The following KCNU1 variants were observed in gnomAD, a reference collection of about 807,000 sequenced individuals.
KCNU1 encodes the protein potassium calcium-activated channel subfamily U member 1.
A neutral mutation model predicts 126.8 loss-of-function variants in KCNU1; 93 were observed. The ratio of observed to expected loss-of-function variants is 0.73; its 90% confidence interval spans 0.62 to 0.87. The LOEUF is 0.87. Ranked by LOEUF, KCNU1 falls within the 40% of genes least tolerant of loss-of-function variation. The pLI, the probability that KCNU1 is intolerant of heterozygous loss-of-function variation, is 0.00. For synonymous variants in KCNU1, 523 were observed against 494.2 expected, an observed-to-expected ratio of 1.06 and a Z score of -0.77; for missense variants, 1,330 against 1,367.1, an observed-to-expected ratio of 0.97 and a Z score of 0.43.
At chr8:36,799,628 G>A (rs955133440) in intron 2 of KCNU1, among the ~76,000 whole-genome samples, 5 of 151,474 alleles carry the variant, frequency 3.3e-5, no homozygotes, top group East Asian at 1.9e-4. Context: ...TCTGCCTCCC[G>A]GGTTCAATCA....
At chr8:36,908,974 G>A (rs1807749939) in intron 20 of KCNU1, among the ~76,000 whole-genome samples, 1 of 152,148 alleles carries the variant, frequency 6.6e-6, no homozygotes, top group Non-Finnish European at 1.5e-5. Context: ...GGCTAAAAAT[G>A]TGAAATAAAA....
At chr8:36,802,618 TGA>T (rs1421291687) in intron 2 of KCNU1, among the ~76,000 whole-genome samples, 3 of 152,112 alleles carry the variant, frequency 2.0e-5, no homozygotes, top group African/African-American at 7.2e-5. Flanking sequence ...TGAGAAGTAG[TGA>T]GAGAAGAGTG....
Position 36,805,251 on chromosome 8 carries a change from T to C in KCNU1, c.434T>C (p.Phe145Ser). The change falls in exon 4 of 27, where the codon TTC becomes TCC. Residue 145 changes from phenylalanine (F) to serine (S), a missense_variant. Around this residue, in one of 3 missense-constraint regions of KCNU1, gnomAD observed 247 missense variants for 255.4 expected, o/e 0.97. Transcript: ENST00000399881. ...AAAACCATTCCTATTGATTTGGTTT[T>C]CAATGCTTTCTTTAGTTTCTATTTT... Reference protein sequence around the residue: ...EDKTIPIDLVFNAFFSFYFGL... With the variant: ...EDKTIPIDLVSNAFFSFYFGL... 1 of 1,607,976 alleles carries C rather than the reference T, an allele frequency of 6.2e-7. No homozygotes were observed. Among genetic ancestry groups the C allele is most frequent in the Non-Finnish European group, 8.5e-7 (1 of 1,176,336 alleles).
At chr8:36,863,898 C>G (rs1374069470) in intron 18 of KCNU1, among the ~76,000 whole-genome samples, 1 of 152,030 alleles carries the variant, frequency 6.6e-6, no homozygotes, top group African/African-American at 2.4e-5. Flanking sequence ...TTTGGAAATA[C>G]ACAAAAGTTT....
At chr8:36,797,848 C>T (rs1001248756) in intron 2 of KCNU1, among the ~76,000 whole-genome samples, 1 of 152,180 alleles carries the variant, frequency 6.6e-6, no homozygotes, top group Non-Finnish European at 1.5e-5. Flanking sequence ...GGGCCACATG[C>T]CAGGTACTAA....
At chr8:36,835,614 T>C (rs1331939751) in intron 12 of KCNU1, among the ~76,000 whole-genome samples, 1 of 152,198 alleles carries the variant, frequency 6.6e-6, no homozygotes, top group Non-Finnish European at 1.5e-5. Context: ...GTGCTGGGAT[T>C]ACAGGCTGGG....
Position 36,845,623 on chromosome 8 carries a change from AAC to A in KCNU1, c.1751_1752del (p.Thr584IlefsTer7). The A allele has an allele frequency of 1.9e-6, 3 of 1,611,542 alleles. No individual in the cohort carries two copies. The highest frequency in any genetic ancestry group is 2.5e-6 in the Non-Finnish European group (3 of 1,177,732). The stretch of plus-strand genomic sequence containing the variant: ...ACCTCCACAAGTGAGGATACGTAAG[AAC>A]ACATTAGGGTTCTTTATTGCTGAAA... ...NPPPQVRIRK[N>X]TLGFFIAETP... is the part of the protein sequence containing the mutation. On this transcript the variant is annotated frameshift_variant, in exon 17 of 27. Coordinates refer to ENST00000399881, the MANE Select transcript of KCNU1 (RefSeq NM_001031836.3). LOFTEE classifies it high-confidence loss of function.
chr8:36,858,206 G>A (rs1361609339), intron 18 of KCNU1, among the ~76,000 whole-genome samples: 4 of 139,642 alleles, frequency 2.9e-5, no homozygotes, highest in South Asian at 2.2e-4. Context: ...AAAACTGTTC[G>A]TATGTAATTT....
intron 22 of KCNU1, among the ~76,000 whole-genome samples, chr8:36,912,370 C>T (rs1479725060): frequency 2.0e-5 from 3 of 152,136 alleles, no homozygotes; most frequent in African/African-American, 7.2e-5. Flanking sequence ...TTAGACAGAC[C>T]TTCACTAAGC....
In KCNU1 at chr8:36,840,266, T is replaced by C. The variant is rs142072088; in HGVS notation, c.1519-197T>C. 7.2e-3 allele frequency among the ~76,000 whole-genome samples: 1,103 copies of C among 152,336 alleles called. 56 individuals are homozygous for C. The highest frequency in any genetic ancestry group is 0.061 in the Admixed American group (927 of 15,300). On this transcript the variant is annotated intron_variant, in intron 14 of 26. Transcript: ENST00000399881. ...GATGTGTCTGCCTCATCCTGAACTC[T>C]GGTGAAAATAGTTGAGATGGAGTTA...
intron 19 of KCNU1, among the ~76,000 whole-genome samples, chr8:36,869,434 G>A (rs930500230): frequency 2.0e-5 from 3 of 152,012 alleles, no homozygotes; most frequent in Non-Finnish European, 4.4e-5. Flanking sequence ...TGGTATCTAT[G>A]AATGAGATCA....
At chr8:36,807,204 A>AG (rs1451809684) in intron 5 of KCNU1, among the ~76,000 whole-genome samples, 171 bp from the exon 6 acceptor site, 2 of 152,212 alleles carry the variant, frequency 1.3e-5, no homozygotes, top group Non-Finnish European at 2.9e-5. Context: ...CAACAGCGTC[A>AG]GGGCTAGTAT....
intron 19 of KCNU1, among the ~76,000 whole-genome samples, chr8:36,890,370 A>C (rs903247021): frequency 6.6e-6 from 1 of 152,066 alleles, no homozygotes; most frequent in Non-Finnish European, 1.5e-5. Flanking sequence ...AAGAGATGGA[A>C]AGGATGAGTT....
intron 18 of KCNU1, among the ~76,000 whole-genome samples, chr8:36,848,162 T>C (rs575080900): frequency 6.6e-6 from 1 of 152,350 alleles, no homozygotes; most frequent in Non-Finnish European, 1.5e-5. Context: ...ATATATTTTT[T>C]GCCATCAAGT....
chr8:36,884,122 A>G (rs1253605183), intron 19 of KCNU1, among the ~76,000 whole-genome samples: 1 of 152,120 alleles, frequency 6.6e-6, no homozygotes, highest in African/African-American at 2.4e-5. Context: ...AAATAACTTA[A>G]TCATTTTCAG....
At chr8:36,838,671 T>A (rs1360115923) in intron 14 of KCNU1, among the ~76,000 whole-genome samples, 1 of 152,102 alleles carries the variant, frequency 6.6e-6, no homozygotes, top group African/African-American at 2.4e-5. Flanking sequence ...CACTCCAGCC[T>A]CAGCGACAGA....
chr8:36,829,320 G>A (rs540070899), intron 10 of KCNU1, among the ~76,000 whole-genome samples: 1 of 151,788 alleles, frequency 6.6e-6, no homozygotes, highest in African/African-American at 2.4e-5. Flanking sequence ...AGCACTTATT[G>A]TTTTTTGTTT....
intron 19 of KCNU1, among the ~76,000 whole-genome samples, chr8:36,867,520 C>A (rs1349506008): frequency 3.9e-5 from 6 of 152,106 alleles, no homozygotes; most frequent in African/African-American, 1.4e-4. Context: ...AAACATGATT[C>A]AAACTTGAAA....
intron 2 of KCNU1, among the ~76,000 whole-genome samples, chr8:36,791,758 A>G (rs931356860): frequency 2.6e-5 from 4 of 152,010 alleles, no homozygotes; most frequent in African/African-American, 9.7e-5. Context: ...AACCTCTCGG[A>G]AAAAAAATGA....
Sources: allele counts gnomAD v4.1 joint callset (sites outside exome capture counted in the v4.1 genomes callset), GRCh38; gene constraint gnomAD v4.1.1; regional missense constraint gnomAD v4.1.1; transcripts MANE v1.5; gene names NCBI Gene and HGNC (gene_info 2026-07-23, HGNC 2026-07-21).